The following AOAH variants were observed in gnomAD, a reference collection of about 807,000 sequenced individuals.
The protein encoded by AOAH is acyloxyacyl hydrolase.
A neutral mutation model predicts 92.2 loss-of-function variants in AOAH; 64 were observed. That is an observed-to-expected ratio of 0.69 (90% confidence interval 0.57 to 0.86). The LOEUF is 0.86. Ranked by LOEUF, AOAH falls within the 40% of genes least tolerant of loss-of-function variation. AOAH has a pLI of 0.00. For synonymous variants in AOAH, 263 were observed against 254.5 expected, an observed-to-expected ratio of 1.03 and a Z score of -0.32; for missense variants, 656 against 694.6, an observed-to-expected ratio of 0.94 and a Z score of 0.62.
intron 12 of AOAH, among the ~76,000 whole-genome samples, chr7:36,579,628 G>C (rs1442645434): frequency 6.6e-6 from 1 of 152,148 alleles, no homozygotes; most frequent in Non-Finnish European, 1.5e-5. Context: ...CAAAACTGAA[G>C]AACTTGGAGT....
intron 2 of AOAH, among the ~76,000 whole-genome samples, chr7:36,685,263 C>T (rs1317092533): frequency 6.6e-6 from 1 of 152,126 alleles, no homozygotes; most frequent in Non-Finnish European, 1.5e-5. Flanking sequence ...AAAGACACAT[C>T]AAACATTTAA....
chr7:36,576,538 G>T, intron 13 of AOAH, 36 bp downstream of exon 13: 2 of 1,223,704 alleles, frequency 1.6e-6, no homozygotes, highest in Non-Finnish European at 2.3e-6. Flanking sequence ...ATCATTACAG[G>T]AACATTGATG....
At chr7:36,682,375 CTCTT>C (rs1796708117) in intron 2 of AOAH, among the ~76,000 whole-genome samples, 1 of 150,982 alleles carries the variant, frequency 6.6e-6, no homozygotes, top group South Asian at 2.1e-4. Flanking sequence ...CGAACCGCCT[CTCTT>C]TCTAAGAGTT....
chr7:36,717,654 C>T (rs1799305070), intron 1 of AOAH, among the ~76,000 whole-genome samples: 1 of 151,562 alleles, frequency 6.6e-6, no homozygotes, highest in Admixed American at 6.6e-5. Context: ...GATTTGTAGG[C>T]CTGTTTTCTC....
intron 1 of AOAH, among the ~76,000 whole-genome samples, chr7:36,691,354 A>C (rs1797384912): frequency 2.0e-5 from 3 of 152,174 alleles, no homozygotes; most frequent in Admixed American, 2.0e-4. Flanking sequence ...AAAAATAATC[A>C]CCTAAAATGT....
At chr7:36,537,506 G>GTTTTTTTTTTTTTT (rs67918250) in intron 16 of AOAH, among the ~76,000 whole-genome samples, 5 of 134,840 alleles carry the variant, frequency 3.7e-5, no homozygotes, top group Non-Finnish European at 3.1e-5. Context: ...CACCCCTCTT[G>GTTTTTTTTTTTTTT]TTTTTTTTTT....
chr7:36,613,657 C>T (rs1393795542), intron 11 of AOAH, among the ~76,000 whole-genome samples: 1 of 152,192 alleles, frequency 6.6e-6, no homozygotes, highest in Non-Finnish European at 1.5e-5. Flanking sequence ...CTTTGCTCTC[C>T]TGTTTTCTGC....
Position 36,721,562 on chromosome 7 carries a change from A to T in AOAH, c.127+2460T>A, listed in dbSNP as rs1051118956. ...ACAAGACTGGACTCCTCTTGCACCC[A>T]CCTTTCTTGCTATTATGACAACAGG... On this transcript the variant is annotated intron_variant, in intron 1 of 20. Coordinates refer to ENST00000617537, the MANE Select transcript of AOAH (RefSeq NM_001637.4). 2.0e-5 allele frequency among the ~76,000 whole-genome samples: 3 copies of T among 152,242 alleles called. No homozygotes were observed. In the East Asian group the frequency reaches 5.8e-4, roughly 29 times the overall value.
chr7:36,631,881 G>T (rs571221043), intron 6 of AOAH, among the ~76,000 whole-genome samples, 155 bp downstream of exon 6: 25 of 152,272 alleles, frequency 1.6e-4, no homozygotes, highest in African/African-American at 5.5e-4. Flanking sequence ...GAGCTCATTT[G>T]TCTTTTGGTT....
At chr7:36,574,230 T>G (rs1423168772) in intron 13 of AOAH, among the ~76,000 whole-genome samples, 7 of 152,218 alleles carry the variant, frequency 4.6e-5, no homozygotes, top group Non-Finnish European at 1.0e-4. Context: ...TTCTAAGGAC[T>G]GCAAATTCAA....
chr7:36,535,082 GTCTC>G (rs570120157), intron 16 of AOAH, among the ~76,000 whole-genome samples: 1 of 115,578 alleles, frequency 8.7e-6, no homozygotes, highest in South Asian at 3.2e-4. Context: ...GTGTGTCTGT[GTCTC>G]TGTGTGTGTG....
chr7:36,676,156 G>A (rs1190769550), intron 2 of AOAH, among the ~76,000 whole-genome samples: 1 of 152,148 alleles, frequency 6.6e-6, no homozygotes. Context: ...CATTCAGATT[G>A]GAAAGTAAAG....
At chr7:36,671,649 TTG>T (rs34363257) in intron 3 of AOAH, among the ~76,000 whole-genome samples, 8 of 149,238 alleles carry the variant, frequency 5.4e-5, no homozygotes, top group African/African-American at 7.4e-5. Context: ...GTGCACGTGT[TTG>T]TGTGTGTGTG....
intron 13 of AOAH, among the ~76,000 whole-genome samples, chr7:36,566,690 G>A (rs1787739087): frequency 6.6e-6 from 1 of 152,154 alleles, no homozygotes; most frequent in African/African-American, 2.4e-5. Flanking sequence ...GGAGTCGGGT[G>A]AGTGGACTCA....
chr7:36,515,779 A>C, intron 20 of AOAH, among the ~76,000 whole-genome samples: 1 of 104,866 alleles, frequency 9.5e-6, no homozygotes, highest in African/African-American at 3.8e-5. Context: ...CCTCACACAC[A>C]TACATCACAC....
In AOAH at chr7:36,516,686, G is replaced by A. The variant is rs1783738476; in HGVS notation, c.1600-3306C>T. Among the ~76,000 whole-genome samples the A allele has an allele frequency of 6.6e-6, 1 of 152,162 alleles. No homozygotes were observed. Among genetic ancestry groups the A allele is most frequent in the Non-Finnish European group, 1.5e-5 (1 of 68,048 alleles). On this transcript the variant is annotated intron_variant, in intron 20 of 20. Transcript: ENST00000617537. The surrounding 1 kb of genome is among the most constrained non-coding windows in gnomAD (Gnocchi z 5.0). Reference sequence around the variant, plus strand: ...CCATTTCTCAACAAAGGAGGCTGCTGCCAGGTCTGTGGAAAATTACTGGTT... The same window carrying A: ...CCATTTCTCAACAAAGGAGGCTGCTACCAGGTCTGTGGAAAATTACTGGTT...
At chr7:36,682,370 C>T (rs1476367975) in intron 2 of AOAH, among the ~76,000 whole-genome samples, 5 of 152,078 alleles carry the variant, frequency 3.3e-5, no homozygotes, top group African/African-American at 1.2e-4. Flanking sequence ...TACCCCGAAC[C>T]GCCTCTCTTT....
intron 4 of AOAH, among the ~76,000 whole-genome samples, chr7:36,657,568 T>C (rs920732496): frequency 1.3e-5 from 2 of 152,138 alleles, no homozygotes; most frequent in Admixed American, 1.3e-4. Context: ...AGATAGAGGC[T>C]GGAGAGGGGG....
chr7:36,547,139 T>C (rs1038403006), intron 15 of AOAH, among the ~76,000 whole-genome samples: 1 of 152,156 alleles, frequency 6.6e-6, no homozygotes, highest in African/African-American at 2.4e-5. Flanking sequence ...TGGAATGACA[T>C]AGAGTGATGT....
Sources: gnomAD v4.1 joint callset for allele counts (sites outside exome capture counted in the v4.1 genomes callset) on GRCh38, gnomAD v4.1.1 for gene constraint, Gnocchi (gnomAD v3.1) non-coding constraint, MANE v1.5 for transcripts, NCBI Gene and HGNC (gene_info 2026-07-23, HGNC 2026-07-21) for gene names.